The following NOVA2 variants were observed in gnomAD, a reference collection of about 807,000 sequenced individuals.
NOVA2 encodes NOVA alternative splicing regulator 2.
NOVA2 carries 9 observed loss-of-function variants against 22.5 expected under a neutral mutation model. The observed-to-expected ratio is 0.40, with a 90% CI of 0.24 to 0.70. NOVA2 has a LOEUF of 0.70. Among genes scored for constraint, NOVA2 ranks in the 30% least tolerant of loss-of-function variants. The probability of loss-of-function intolerance (pLI) is 0.38; values close to 1 mark genes in which losing one functional copy is unlikely to be tolerated. For missense variants in NOVA2, 383 were observed against 682.8 expected (o/e 0.56, Z 4.89); for synonymous variants, 318 against 335.2 (o/e 0.95, Z 0.56).
At chr19:45,960,605 G>A (rs1968080095) in intron 2 of NOVA2, among the ~76,000 whole-genome samples, 1 of 151,876 alleles carries the variant, frequency 6.6e-6, no homozygotes, top group African/African-American at 2.4e-5. Context: ...GACTGGGCAA[G>A]AGGGGGTGAC....
rs557654435 is a variant in NOVA2, at chr19:45,940,004, G to T, written c.1338C>A (p.Gly446=). ...TGARIQISKK[G]EFLPGTRNRR... ...GGTTCCGCGTGCCTGGCAGGAACTC[G>T]CCCTTCTTGGAGATCTGGATGCGAG... is the stretch of plus-strand genomic sequence containing the variant. The change falls in exon 4 of 4, where the codon GGC becomes GGA. Residue 446 remains glycine (G), a synonymous_variant. Coordinates refer to ENST00000263257, the MANE Select transcript of NOVA2 (RefSeq NM_002516.4). 1.2e-6 allele frequency: 2 copies of T among 1,614,078 alleles called. No individual in the cohort carries two copies. Among genetic ancestry groups the T allele is most frequent in the East Asian group, 2.2e-5 (1 of 44,870 alleles).
intron 3 of NOVA2, among the ~76,000 whole-genome samples, chr19:45,942,494 C>A (rs951287773): frequency 2.0e-5 from 3 of 151,996 alleles, no homozygotes; most frequent in African/African-American, 7.3e-5. Flanking sequence ...CAGTCTCTGG[C>A]ACTTTGTTAT....
intron 3 of NOVA2, 123 bp downstream of exon 3, chr19:45,953,657 T>C: frequency 8.1e-7 from 1 of 1,233,156 alleles, no homozygotes; most frequent in South Asian, 1.3e-5. Context: ...CATGTGGTCT[T>C]TGACTGATGA....
rs2146404540 is a variant in NOVA2, at chr19:45,938,707, T to C, written c.*1156A>G. ...TTTTTTTCCGTTAGAGTCCTCCAGATTGGATCCAAGTCCCGTGCCTTATTC... is the reference window on the plus strand; with the variant it reads ...TTTTTTTCCGTTAGAGTCCTCCAGACTGGATCCAAGTCCCGTGCCTTATTC... On this transcript the variant is annotated 3_prime_UTR_variant, in exon 4 of 4. Coordinates refer to ENST00000263257, the MANE Select transcript of NOVA2 (RefSeq NM_002516.4). 1 of 152,268 alleles carries C rather than the reference T, an allele frequency of 6.6e-6. No homozygotes were observed. Among genetic ancestry groups the C allele is most frequent in the East Asian group, 1.9e-4 (1 of 5,182 alleles). 9.4% of individuals were successfully genotyped at this position (152,268 alleles called of 1,614,324 possible).
intron 2 of NOVA2, among the ~76,000 whole-genome samples, chr19:45,958,587 G>C (rs900414441): frequency 6.6e-6 from 1 of 151,072 alleles, no homozygotes; most frequent in Non-Finnish European, 1.5e-5. Flanking sequence ...GTGTGAATGA[G>C]TGTGTGTGAG....
chr19:45,952,030 T>C (rs563233042), intron 3 of NOVA2, among the ~76,000 whole-genome samples: 4 of 152,286 alleles, frequency 2.6e-5, no homozygotes, highest in Non-Finnish European at 4.4e-5. Flanking sequence ...ACTTTAGTTA[T>C]TTAATTTATA....
intron 1 of NOVA2, among the ~76,000 whole-genome samples, chr19:45,966,681 C>G (rs574744553): frequency 6.6e-6 from 1 of 152,108 alleles, no homozygotes; most frequent in Non-Finnish European, 1.5e-5. Flanking sequence ...AGTTCGAGAC[C>G]AGCCTGACCA....
rs1967670473 is a variant in NOVA2, at chr19:45,937,389, T to G, written c.*2474A>C. 2.0e-5 allele frequency: 3 copies of G among 152,268 alleles called. No individual in the cohort carries two copies. The highest frequency in any genetic ancestry group is 7.2e-5 in the African/African-American group (3 of 41,408). 9.4% of individuals were successfully genotyped at this position (152,268 alleles called of 1,614,324 possible). A position where few individuals can be genotyped will look rare whatever the true frequency, so the allele number is the denominator to read the frequency against. The stretch of plus-strand genomic sequence containing the variant: ...CCCAGTCCCAGACCTTACTTCACTC[T>G]CCCTGGCTCCTTCCCTTCCTCATAG... On this transcript the variant is annotated 3_prime_UTR_variant, in exon 4 of 4. Coordinates refer to ENST00000263257, the MANE Select transcript of NOVA2 (RefSeq NM_002516.4).
chr19:45,961,158 G>C lies in NOVA2; in HGVS notation c.86-5C>G, dbSNP rs373023743. On this transcript the variant is annotated splice_polypyrimidine_tract_variant and splice_region_variant and intron_variant, in intron 1 of 3. Coordinates refer to ENST00000263257, the MANE Select transcript of NOVA2 (RefSeq NM_002516.4). ...TCAGGAAGTATTCGCCTTCCTCTGC[G>C]GGGGCACACAGGGTGGAGGGGAGTC... 1 of 1,597,886 alleles carries C rather than the reference G, an allele frequency of 6.3e-7. No homozygotes were observed. The highest frequency in any genetic ancestry group is 8.5e-7 in the Non-Finnish European group (1 of 1,172,576).
chr19:45,950,335 A>G (rs779643741), intron 3 of NOVA2, among the ~76,000 whole-genome samples: 40 of 151,222 alleles, frequency 2.6e-4, no homozygotes, highest in Non-Finnish European at 1.3e-4. Context: ...ATTTTTTTGT[A>G]TTTTTAGTAG....
chr19:45,954,070 G>A (rs3745930), intron 2 of NOVA2, 124 bp from the exon 3 acceptor site: 31,118 of 1,042,924 alleles, frequency 0.03, 2,751 homozygotes, highest in African/African-American at 0.21. Context: ...CTGATCACAC[G>A]GTGAGCCTGG....
intron 1 of NOVA2, among the ~76,000 whole-genome samples, chr19:45,964,680 C>T (rs1004311493): frequency 6.6e-6 from 1 of 151,828 alleles, no homozygotes; most frequent in Non-Finnish European, 1.5e-5. Context: ...CCTGCCTCGG[C>T]CTCCCAAGTA....
chr19:45,944,631 A>C (rs1372571179), intron 3 of NOVA2, among the ~76,000 whole-genome samples: 1 of 152,248 alleles, frequency 6.6e-6, no homozygotes, highest in Non-Finnish European at 1.5e-5. Flanking sequence ...AAGTACTGAT[A>C]CATGCTATAG....
intron 1 of NOVA2, among the ~76,000 whole-genome samples, chr19:45,965,729 CAA>C (rs113511683): frequency 3.0e-5 from 4 of 135,372 alleles, no homozygotes; most frequent in Admixed American, 1.5e-4. Context: ...GACTGTGTCT[CAA>C]AAAAAAAAAA....
rs1346607567 is a variant in NOVA2 at position 45,940,169 on chromosome 19, G to A, written c.1173C>T (p.Ala391=). Reference sequence around the variant, plus strand: ...GCTTCTCCGCCGTCAGGAAGCCCCCGGCCGCCCCGGCCGCGGCTGCAGCGG... The same window carrying A: ...GCTTCTCCGCCGTCAGGAAGCCCCCAGCCGCCCCGGCCGCGGCTGCAGCGG... The part of the protein sequence containing the change: ...LVAAAAAAGA[A]GGFLTAEKLA... The change falls in exon 4 of 4, where the codon GCC becomes GCT. Residue 391 remains alanine (A), a synonymous_variant. Transcript: ENST00000263257. The A allele has an allele frequency of 5.6e-6, 9 of 1,593,758 alleles. No homozygotes were observed. Among genetic ancestry groups the A allele is most frequent in the African/African-American group, 2.7e-5 (2 of 74,370 alleles).
Position 45,939,744 on chromosome 19 carries a change from A to G in NOVA2, c.*119T>C. ...GGGAGGGTGCAGTCGGGCCTACCCC[A>G]GCCCCATCCCAAGAGGAGCAGGACT... On this transcript the variant is annotated 3_prime_UTR_variant, in exon 4 of 4. Coordinates refer to ENST00000263257, the MANE Select transcript of NOVA2 (RefSeq NM_002516.4). 7.5e-7 allele frequency: 1 copy of G among 1,335,710 alleles called. No homozygotes were observed. The highest frequency in any genetic ancestry group is 1.5e-5 in the African/African-American group (1 of 68,440). 82.7% of individuals were successfully genotyped at this position (1,335,710 alleles called of 1,614,324 possible).
intron 1 of NOVA2, among the ~76,000 whole-genome samples, chr19:45,970,909 C>T (rs995219816): frequency 1.2e-4 from 19 of 152,076 alleles, no homozygotes; most frequent in African/African-American, 4.1e-4. Context: ...TAAACAGAAG[C>T]GGGGTGGGAG....
In NOVA2 at chr19:45,949,739, GTTT is replaced by G. The variant is rs558656536; in HGVS notation, c.396+4038_396+4040del. On this transcript the variant is annotated intron_variant, in intron 3 of 3. Coordinates refer to ENST00000263257, the MANE Select transcript of NOVA2 (RefSeq NM_002516.4). ...CACAGCAAGGTCCAAATCGTAGGTT[GTTT>G]TTTTTTTTTTTTTTTTGAGACAAAG... is the stretch of plus-strand genomic sequence containing the variant. 5.4e-3 allele frequency among the ~76,000 whole-genome samples: 645 copies of G among 119,622 alleles called. 5 individuals carry two copies. The highest frequency in any genetic ancestry group is 0.019 in the African/African-American group (612 of 32,760). 78.5% of individuals were successfully genotyped at this position (119,622 alleles called of 152,430 possible). A position where few individuals can be genotyped will look rare whatever the true frequency, so the allele number is the denominator to read the frequency against.
chr19:45,953,171 C>T lies in NOVA2; in HGVS notation c.396+609G>A, dbSNP rs112203029. Among the ~76,000 whole-genome samples the T allele has an allele frequency of 8.0e-3, 1,214 of 152,314 alleles. 20 individuals carry two copies. Among genetic ancestry groups the T allele is most frequent in the African/African-American group, 0.028 (1,164 of 41,574 alleles). Reference sequence around the variant, plus strand: ...GCCGTCGTCATGGCAACCGGACAGGCCCGGGAAGCGATTGGCCACTCCCTG... The same window carrying T: ...GCCGTCGTCATGGCAACCGGACAGGTCCGGGAAGCGATTGGCCACTCCCTG... On this transcript the variant is annotated intron_variant, in intron 3 of 3. Transcript: ENST00000263257.
Sources: allele counts gnomAD v4.1 joint callset (sites outside exome capture counted in the v4.1 genomes callset), GRCh38; gene constraint gnomAD v4.1.1; transcripts MANE v1.5; gene names NCBI Gene and HGNC (gene_info 2026-07-23, HGNC 2026-07-21).